The following ELMO1 variants were observed in gnomAD, a reference collection of about 807,000 sequenced individuals.
ELMO1 encodes engulfment and cell motility 1, also known as engulfment and cell motility protein 1.
ELMO1 carries 26 observed loss-of-function variants against 98.9 expected under a neutral mutation model. That is an observed-to-expected ratio of 0.26 (90% CI 0.19 to 0.36). The LOEUF (loss-of-function observed/expected upper bound fraction) is 0.36. Among genes scored for constraint, ELMO1 ranks in the 10% least tolerant of loss-of-function variants. The pLI is 1.00. For missense variants in ELMO1, 627 were observed against 935.2 expected, an observed-to-expected ratio of 0.67 and a Z score of 4.30; for synonymous variants, 346 against 346.0, an observed-to-expected ratio of 1.00 and a Z score of 0.00.
At chr7:37,085,279 A>G (rs1783701269) in intron 15 of ELMO1, among the ~76,000 whole-genome samples, 1 of 152,180 alleles carries the variant, frequency 6.6e-6, no homozygotes, top group South Asian at 2.1e-4. Flanking sequence ...AGGAAGCCAC[A>G]GTGTCTGCAA....
chr7:37,079,867 C>T (rs1036529151), intron 15 of ELMO1, among the ~76,000 whole-genome samples: 1 of 152,172 alleles, frequency 6.6e-6, no homozygotes, highest in African/African-American at 2.4e-5. Context: ...CATTCAGTCT[C>T]ATAGCTTTAA....
At chr7:37,423,274 T>C (rs1422499158) in intron 1 of ELMO1, among the ~76,000 whole-genome samples, 2 of 152,236 alleles carry the variant, frequency 1.3e-5, no homozygotes, top group Non-Finnish European at 2.9e-5. Context: ...AAGATACTTC[T>C]GAGGCTAAAT....
intron 16 of ELMO1, among the ~76,000 whole-genome samples, chr7:36,972,018 T>C (rs1790005615): frequency 6.6e-6 from 1 of 152,166 alleles, no homozygotes; most frequent in African/African-American, 2.4e-5. Context: ...TCTGGGGTGC[T>C]CTCAGGCAGT....
chr7:36,924,584 C>A (rs1785387745), intron 16 of ELMO1, among the ~76,000 whole-genome samples: 1 of 152,182 alleles, frequency 6.6e-6, no homozygotes, highest in Non-Finnish European at 1.5e-5. Context: ...CCTGCTGAAG[C>A]AGCACATTTG....
rs146152653 is a variant in ELMO1 at position 36,986,688 on chromosome 7, T to G, written c.1437+26611A>C. On this transcript the variant is annotated intron_variant, in intron 16 of 21. Transcript: ENST00000310758. ...CTCTACTTTTATTTGATTGTGAGTT[T>G]GCTTTCTCCTACCTTCTCTTCACAC... 4.3e-3 allele frequency among the ~76,000 whole-genome samples: 655 copies of G among 152,314 alleles called. 11 individuals carry two copies. The highest frequency in any genetic ancestry group is 0.015 in the African/African-American group (624 of 41,564).
At chr7:36,862,101 G>T in intron 20 of ELMO1, 1 of 237,144 alleles carries the variant, frequency 4.2e-6, no homozygotes, top group South Asian at 7.5e-5. Context: ...CTCCCTTCCA[G>T]AGAGGCCACA....
chr7:36,889,985 C>T (rs541037249), intron 17 of ELMO1, among the ~76,000 whole-genome samples: 2 of 152,230 alleles, frequency 1.3e-5, no homozygotes, highest in South Asian at 2.1e-4. Context: ...ACTCAGTAGC[C>T]GTAAAATTCA....
At chr7:37,384,443 A>G (rs548949993) in intron 1 of ELMO1, among the ~76,000 whole-genome samples, 135 of 152,292 alleles carry the variant, frequency 8.9e-4, no homozygotes, top group Middle Eastern at 6.8e-3. Context: ...TTGTCAGGCC[A>G]GGCGCAGTGG....
rs140634414 is a variant in ELMO1, at chr7:37,378,595, G to GAA, written c.-73-35834_-73-35833dup. Among the ~76,000 whole-genome samples the GAA allele has an allele frequency of 1.2e-3, 170 of 147,532 alleles. 1 individual carries two copies. Among genetic ancestry groups the GAA allele is most frequent in the African/African-American group, 4.1e-3 (166 of 40,322 alleles). ...AAATTCCTACTGCCGTGGTATAAAC[G>GAA]AAAAAAAAAACTAATATTTACAGAT... On this transcript the variant is annotated intron_variant, in intron 1 of 21. Transcript: ENST00000310758.
intron 15 of ELMO1, among the ~76,000 whole-genome samples, chr7:37,079,739 G>A (rs1238189486): frequency 6.6e-6 from 1 of 152,052 alleles, no homozygotes; most frequent in Non-Finnish European, 1.5e-5. Flanking sequence ...ACTTTCTCTT[G>A]AGTTTCTTCC....
chr7:37,135,174 A>G lies in ELMO1; in HGVS notation c.1087-1940T>C, dbSNP rs1362508309. Among the ~76,000 whole-genome samples the G allele has an allele frequency of 4.6e-5, 7 of 152,152 alleles. No homozygotes were observed. The East Asian group carries it at 1.3e-3, about 29-fold the overall frequency. On this transcript the variant is annotated intron_variant, in intron 13 of 21. Coordinates refer to ENST00000310758, the MANE Select transcript of ELMO1 (RefSeq NM_014800.11). ...AGATTCTTACTAAGATTAGCAATCTACTCTTCACCATTAATTACTGAAAAC... is the reference window on the plus strand; with the variant it reads ...AGATTCTTACTAAGATTAGCAATCTGCTCTTCACCATTAATTACTGAAAAC...
intron 1 of ELMO1, among the ~76,000 whole-genome samples, chr7:37,438,626 G>A (rs1805262457): frequency 6.6e-6 from 1 of 151,756 alleles, no homozygotes; most frequent in South Asian, 2.1e-4. Context: ...CTGAATCAGT[G>A]ATAATAACCT....
At chr7:37,310,965 C>T (rs1036498837) in intron 4 of ELMO1, among the ~76,000 whole-genome samples, 3 of 149,676 alleles carry the variant, frequency 2.0e-5, no homozygotes, top group African/African-American at 4.8e-5. Context: ...AAGACAAATT[C>T]CACCTAAACA....
intron 15 of ELMO1, among the ~76,000 whole-genome samples, chr7:37,080,540 C>T (rs923519943): frequency 2.0e-5 from 3 of 149,952 alleles, no homozygotes; most frequent in South Asian, 2.1e-4. Flanking sequence ...CGAATTCAAG[C>T]GATTCTCCCA....
At chr7:37,280,465 T>C (rs909513684) in intron 4 of ELMO1, among the ~76,000 whole-genome samples, 2 of 151,940 alleles carry the variant, frequency 1.3e-5, no homozygotes, top group African/African-American at 4.8e-5. Flanking sequence ...TGAAAAAGGA[T>C]TGATATCCAG....
chr7:37,376,941 T>C (rs1802373466), intron 1 of ELMO1, among the ~76,000 whole-genome samples: 2 of 152,200 alleles, frequency 1.3e-5, no homozygotes, highest in South Asian at 2.1e-4. Flanking sequence ...TAATAATCCA[T>C]TACCAATGCT....
At chr7:37,121,196 A>G (rs1584677614) in intron 14 of ELMO1, among the ~76,000 whole-genome samples, 1 of 152,338 alleles carries the variant, frequency 6.6e-6, no homozygotes, top group South Asian at 2.1e-4. Context: ...AGAAAAACTG[A>G]AAATTCTAAA....
intron 1 of ELMO1, among the ~76,000 whole-genome samples, chr7:37,361,795 T>TA (rs1267866617): frequency 2.7e-5 from 4 of 148,478 alleles, no homozygotes; most frequent in Non-Finnish European, 5.9e-5. Context: ...CCTGTTTCTA[T>TA]AAAAAAGACA....
intron 6 of ELMO1, among the ~76,000 whole-genome samples, chr7:37,252,349 A>G (rs2130756471): frequency 1.3e-5 from 2 of 152,350 alleles, no homozygotes; most frequent in Middle Eastern, 6.8e-3. Flanking sequence ...AGGCTACAGT[A>G]ACCAGAACAC....
Sources: allele counts gnomAD v4.1 joint callset (sites outside exome capture counted in the v4.1 genomes callset), GRCh38; gene constraint gnomAD v4.1.1; transcripts MANE v1.5; gene names NCBI Gene and HGNC (gene_info 2026-07-23, HGNC 2026-07-21).